GALNT13: variants seen among roughly 807,000 people sequenced by gnomAD.
The protein encoded by GALNT13 is UDP-GalNAc:polypeptide N-acetylgalactosaminyltransferase 13.
GALNT13 carries 28 observed loss-of-function variants against 64.2 expected under a neutral mutation model. The ratio of observed to expected loss-of-function variants is 0.44; its 90% CI spans 0.32 to 0.60. GALNT13 has a LOEUF of 0.60. Among genes scored for constraint, GALNT13 ranks in the 20% least tolerant of loss-of-function variants. GALNT13 has a pLI of 0.05. For synonymous variants in GALNT13, 214 were observed against 224.6 expected, an observed-to-expected ratio of 0.95 and a Z score of 0.42; for missense variants, 577 against 669.8, an observed-to-expected ratio of 0.86 and a Z score of 1.53.
chr2:154,320,729 G>A (rs773344387), intron 9 of GALNT13, among the ~76,000 whole-genome samples: 9 of 152,036 alleles, frequency 5.9e-5, no homozygotes, highest in Admixed American at 1.3e-4. Flanking sequence ...CCTGCCTTAC[G>A]CATGGACCAG....
chr2:153,776,257 A>G, the GALNT13 span, among the ~76,000 whole-genome samples: 1 of 152,206 alleles, frequency 6.6e-6, no homozygotes, highest in Non-Finnish European at 1.5e-5. Context: ...TTTATCCAGA[A>G]TTGTTTTAAA....
chr2:154,370,877 A>G (rs1250895893), intron 9 of GALNT13, among the ~76,000 whole-genome samples: 1 of 152,154 alleles, frequency 6.6e-6, no homozygotes, highest in East Asian at 1.9e-4. Flanking sequence ...ATTAAAACAA[A>G]AGAGTCTCAG....
the GALNT13 span, among the ~76,000 whole-genome samples, chr2:153,534,301 G>A: frequency 6.6e-6 from 1 of 152,046 alleles, no homozygotes; most frequent in Non-Finnish European, 1.5e-5. Flanking sequence ...TAATAATTTG[G>A]TAGGTGTGAG....
chr2:153,687,400 T>C, the GALNT13 span, among the ~76,000 whole-genome samples: 53 of 152,118 alleles, frequency 3.5e-4, 1 homozygote, highest in African/African-American at 1.3e-3. Flanking sequence ...AATTAAGCCA[T>C]TTCTTCTAGA....
At chr2:153,597,064 C>A in the GALNT13 span, among the ~76,000 whole-genome samples, 3 of 152,034 alleles carry the variant, frequency 2.0e-5, no homozygotes, top group Admixed American at 6.6e-5. Context: ...TCAAAGAATT[C>A]TTTTCTCATT....
At chr2:153,827,467 CA>C in the GALNT13 span, among the ~76,000 whole-genome samples, 1 of 151,598 alleles carries the variant, frequency 6.6e-6, no homozygotes, top group East Asian at 1.9e-4. Flanking sequence ...ACTACAAATA[CA>C]AAAAAAATTA....
the GALNT13 span, among the ~76,000 whole-genome samples, chr2:153,600,239 G>C: frequency 2.6e-5 from 4 of 151,694 alleles, no homozygotes; most frequent in Non-Finnish European, 4.4e-5. Flanking sequence ...ATTAACTGTT[G>C]AGTAAAACAT....
At chr2:153,767,523 T>C in the GALNT13 span, among the ~76,000 whole-genome samples, 1 of 152,170 alleles carries the variant, frequency 6.6e-6, no homozygotes, top group Admixed American at 6.5e-5. Flanking sequence ...AAAAAATCCC[T>C]GTACTGTTTT....
the GALNT13 span, among the ~76,000 whole-genome samples, chr2:153,569,524 T>TA: frequency 2.5e-4 from 18 of 72,206 alleles, no homozygotes; most frequent in Non-Finnish European, 1.9e-4. Flanking sequence ...TTCTTTTTTT[T>TA]TTAAAAAAAA....
chr2:154,355,697 A>G (rs1696700687), intron 9 of GALNT13, among the ~76,000 whole-genome samples: 1 of 152,082 alleles, frequency 6.6e-6, no homozygotes, highest in Admixed American at 6.6e-5. Flanking sequence ...CAGCATCCAC[A>G]AGACAATTTT....
chr2:153,359,993 C>T, the GALNT13 span, among the ~76,000 whole-genome samples: 8 of 152,246 alleles, frequency 5.3e-5, no homozygotes, highest in Middle Eastern at 3.4e-3. Context: ...AGGACAATAG[C>T]GGTGGGGCCA....
At chr2:154,414,574 A>G (rs1699925675) in intron 11 of GALNT13, among the ~76,000 whole-genome samples, 1 of 151,496 alleles carries the variant, frequency 6.6e-6, no homozygotes, top group Non-Finnish European at 1.5e-5. Flanking sequence ...TTTCAACCAT[A>G]TTTCTAGCAT....
intron 3 of GALNT13, among the ~76,000 whole-genome samples, chr2:153,979,517 T>A (rs1033865779): frequency 3.9e-5 from 6 of 152,202 alleles, no homozygotes; most frequent in African/African-American, 1.4e-4. Context: ...ATTCCTCTTC[T>A]ACCATCCTCC....
At chr2:153,636,680 T>C in the GALNT13 span, among the ~76,000 whole-genome samples, 1 of 152,132 alleles carries the variant, frequency 6.6e-6, no homozygotes, top group Admixed American at 6.5e-5. Flanking sequence ...TTCTCTTCCT[T>C]CTAGTAGGGC....
chr2:153,093,598 T>C, the GALNT13 span, among the ~76,000 whole-genome samples: 7 of 152,190 alleles, frequency 4.6e-5, no homozygotes, highest in Non-Finnish European at 1.0e-4. Flanking sequence ...GTTGAGGATT[T>C]TTGCATCAAT....
At chr2:154,403,181 T>C (rs1699375330) in intron 10 of GALNT13, among the ~76,000 whole-genome samples, 1 of 152,132 alleles carries the variant, frequency 6.6e-6, no homozygotes, top group Non-Finnish European at 1.5e-5. Context: ...AGGCCAGGCA[T>C]GGTGGTTTAC....
At chr2:153,828,735 C>G in the GALNT13 span, among the ~76,000 whole-genome samples, 9,737 of 152,200 alleles carry the variant, frequency 0.064, 527 homozygotes, top group South Asian at 0.15. Flanking sequence ...ATTTCTGCAG[C>G]TGGGCTTGAA....
At chr2:153,698,296 C>A in the GALNT13 span, among the ~76,000 whole-genome samples, 1 of 151,926 alleles carries the variant, frequency 6.6e-6, no homozygotes, top group East Asian at 1.9e-4. Context: ...AGACACAGAC[C>A]AGCATATTGG....
intron 11 of GALNT13, among the ~76,000 whole-genome samples, chr2:154,428,167 C>A (rs697646): frequency 0.99 from 151,376 of 152,292 alleles, 75,237 homozygotes; most frequent in Middle Eastern, 1. Flanking sequence ...CAAAGGTCCA[C>A]AATGACTAAA....
Sources: gnomAD v4.1 joint callset for allele counts (sites outside exome capture counted in the v4.1 genomes callset) on GRCh38, gnomAD v4.1.1 for gene constraint, MANE v1.5 for transcripts, NCBI Gene and HGNC (gene_info 2026-07-23, HGNC 2026-07-21) for gene names.